PAK4: variants seen among roughly 807,000 people sequenced by gnomAD.
The protein encoded by PAK4 is serine/threonine-protein kinase PAK 4.
Under a neutral mutation model 53.5 loss-of-function variants are expected in PAK4, and 49 were observed. The observed-to-expected ratio is 0.92, with a 90% CI of 0.73 to 1.16. The LOEUF (loss-of-function observed/expected upper bound fraction) is 1.16. Among genes scored for constraint, PAK4 ranks in the 50% most tolerant of loss-of-function variants. The pLI is 0.00. For synonymous variants in PAK4, 376 were observed against 375.6 expected, an observed-to-expected ratio of 1.00 and a Z score of -0.01; for missense variants, 824 against 850.7, an observed-to-expected ratio of 0.97 and a Z score of 0.39.
At chr19:39,153,203 C>T (rs2074121589) in intron 1 of PAK4, among the ~76,000 whole-genome samples, 1 of 152,022 alleles carries the variant, frequency 6.6e-6, no homozygotes, top group Admixed American at 6.6e-5. Context: ...GTGCCAGCCT[C>T]CCCCAACCCC....
intron 1 of PAK4, among the ~76,000 whole-genome samples, chr19:39,128,427 G>A (rs2073632740): frequency 6.6e-6 from 1 of 152,170 alleles, no homozygotes; most frequent in South Asian, 2.1e-4. Flanking sequence ...GCAGCCCTCT[G>A]AGGCTGGCCC....
At chr19:39,169,254 G>A (rs1240243450) in intron 1 of PAK4, among the ~76,000 whole-genome samples, 1 of 151,666 alleles carries the variant, frequency 6.6e-6, no homozygotes, top group Non-Finnish European at 1.5e-5. Context: ...CTCCAGGGGG[G>A]GTGAGAACAG....
In PAK4 at chr19:39,175,673, A is replaced by G. The variant is rs1020096990; in HGVS notation, c.1359+235A>G. Among the ~76,000 whole-genome samples the G allele has an allele frequency of 6.6e-5, 10 of 152,018 alleles. No homozygotes were observed. Among genetic ancestry groups the G allele is most frequent in the Non-Finnish European group, 1.5e-4 (10 of 67,982 alleles). On this transcript the variant is annotated intron_variant, in intron 6 of 8. Coordinates refer to ENST00000358301, the Ensembl canonical transcript of PAK4. This position sits in a 1 kb window ranked among gnomAD's most constrained non-coding sequence, Gnocchi z 4.7. ...GGGGGCTCTGCCATCAGCACAGGAC[A>G]CTGGGCCCAGGGGCAGGGATCTGGG...
chr19:39,156,488 G>C (rs576141135), intron 1 of PAK4, among the ~76,000 whole-genome samples: 1 of 152,300 alleles, frequency 6.6e-6, no homozygotes, highest in African/African-American at 2.4e-5. Context: ...GGGTGTGCCT[G>C]TTGGTGGGAG....
Position 39,156,117 on chromosome 19 carries a change from C to T in PAK4, c.-22-13415C>T, listed in dbSNP as rs560106437. 1.1e-4 allele frequency among the ~76,000 whole-genome samples: 17 copies of T among 152,334 alleles called. No individual in the cohort carries two copies. The South Asian group carries it at 2.3e-3, about 20-fold the overall frequency. ...GTCTCCCCTGACCTCGCCCCTCCCC[C>T]GGTCAGGCTAAGTCTCAGATTCCTC... On this transcript the variant is annotated intron_variant, in intron 1 of 8. Coordinates refer to ENST00000358301, the Ensembl canonical transcript of PAK4.
rs909922635 is a variant in PAK4, at chr19:39,176,416, G to A, written c.1360-174G>A. The A allele has an allele frequency of 2.0e-5, 16 of 780,742 alleles. 1 individual carries two copies. The South Asian group carries it at 2.7e-4, about 13-fold the overall frequency. 48.4% of individuals were successfully genotyped at this position (780,742 alleles called of 1,614,324 possible). On this transcript the variant is annotated intron_variant, in intron 6 of 8. Transcript: ENST00000358301. ...CTTGCCCGAGGGCCCCCACCAGGAG[G>A]TGGTGGAGCTCCCCATTGGTCTGGC...
chr19:39,149,803 C>T (rs1442683735), intron 1 of PAK4, among the ~76,000 whole-genome samples: 1 of 152,112 alleles, frequency 6.6e-6, no homozygotes, highest in Non-Finnish European at 1.5e-5. Context: ...TTGCAGTGAG[C>T]TGAGATTGCA....
chr19:39,157,796 T>C (rs2144751342), intron 1 of PAK4, among the ~76,000 whole-genome samples: 1 of 152,338 alleles, frequency 6.6e-6, no homozygotes, highest in East Asian at 1.9e-4. Flanking sequence ...AAGTTTTCTT[T>C]TTTTGGCCTA....
chr19:39,170,852 C>T (rs900784302), intron 2 of PAK4, among the ~76,000 whole-genome samples: 13 of 152,240 alleles, frequency 8.5e-5, no homozygotes, highest in South Asian at 2.1e-4. Context: ...CTTCCAAAGC[C>T]GTTTCTGGCA....
In PAK4 at chr19:39,171,976, C is replaced by G. The variant is rs115878698; in HGVS notation, c.205-942C>G. ...GCCCAGAGCATGCACTAGGCAGAGCCGGGAGCAGACAGATGCCTGTGTGCT... is the reference window on the plus strand; with the variant it reads ...GCCCAGAGCATGCACTAGGCAGAGCGGGGAGCAGACAGATGCCTGTGTGCT... On this transcript the variant is annotated intron_variant, in intron 2 of 8. Transcript: ENST00000358301. Among the ~76,000 whole-genome samples the G allele has an allele frequency of 4.8e-3, 732 of 152,338 alleles. 6 individuals are homozygous for G. Among genetic ancestry groups the G allele is most frequent in the African/African-American group, 0.016 (673 of 41,586 alleles).
In PAK4 at chr19:39,178,945, C is replaced by T. The variant is rs550037908; in HGVS notation, c.*366C>T. ...AGGTGAACATGTATGAGTGTGTGCA[C>T]GCGTGTGAGTGTGCATGTGTGTGTG... On this transcript the variant is annotated 3_prime_UTR_variant, in exon 9 of 9. Coordinates refer to ENST00000358301, the Ensembl canonical transcript of PAK4. The surrounding 1 kb of genome is among the most constrained non-coding windows in gnomAD (Gnocchi z 4.4). 16 of 192,098 alleles carry T rather than the reference C, an allele frequency of 8.3e-5. No homozygotes were observed. The East Asian group carries it at 1.3e-3, about 16-fold the overall frequency. 11.9% of individuals were successfully genotyped at this position (192,098 alleles called of 1,614,324 possible). A position where few individuals can be genotyped will look rare whatever the true frequency, so the allele number is the denominator to read the frequency against.
At chr19:39,144,735 G>A (rs1016258556) in intron 1 of PAK4, among the ~76,000 whole-genome samples, 2 of 152,216 alleles carry the variant, frequency 1.3e-5, no homozygotes, top group Non-Finnish European at 1.5e-5. Flanking sequence ...TGCTGCTGTG[G>A]TTATGGTGGA....
intron 1 of PAK4, among the ~76,000 whole-genome samples, chr19:39,163,473 T>C (rs1351390616): frequency 6.6e-6 from 1 of 151,904 alleles, no homozygotes; most frequent in African/African-American, 2.4e-5. Flanking sequence ...GGATCTTGCT[T>C]TTCCATTTGG....
chr19:39,181,425 G>A (rs1024574334), downstream of PAK4: 1 of 152,308 alleles, frequency 6.6e-6, no homozygotes, highest in Non-Finnish European at 1.5e-5. Context: ...GCTCTGAGAA[G>A]GCTGGAGGAG....
chr19:39,142,559 C>T (rs1035881741), intron 1 of PAK4, among the ~76,000 whole-genome samples: 5 of 152,146 alleles, frequency 3.3e-5, no homozygotes, highest in Non-Finnish European at 7.4e-5. Flanking sequence ...GTCCCCCCTT[C>T]CCCACCCCCC....
chr19:39,150,025 A>G (rs2074067381), intron 1 of PAK4, among the ~76,000 whole-genome samples: 1 of 152,192 alleles, frequency 6.6e-6, no homozygotes, highest in African/African-American at 2.4e-5. Flanking sequence ...GTTATACAAC[A>G]TTGTGGATAT....
intron 1 of PAK4, among the ~76,000 whole-genome samples, chr19:39,148,466 C>CTTTTTTTGTTTTTTTTT (rs2074039992): frequency 1.8e-5 from 1 of 56,786 alleles, no homozygotes; most frequent in Non-Finnish European, 2.9e-5. Context: ...GTTTCTTCTG[C>CTTTTTTTGTTTTTTTTT]TTTTTTTTTT....
At chr19:39,169,540 G>C in exon 2 of PAK4, 1 of 1,610,680 alleles carries the variant, frequency 6.2e-7, no homozygotes, top group Middle Eastern at 1.7e-4. Flanking sequence ...AGGCCGCACC[G>C]AGTCCCCGGC....
chr19:39,157,206 G>A (rs2074200038), intron 1 of PAK4, among the ~76,000 whole-genome samples: 1 of 142,410 alleles, frequency 7.0e-6, no homozygotes, highest in African/African-American at 2.5e-5. Flanking sequence ...CCTACTGTGT[G>A]TGGTTTTGGG....
Sources: allele counts gnomAD v4.1 joint callset (sites outside exome capture counted in the v4.1 genomes callset), GRCh38; gene constraint gnomAD v4.1.1; non-coding constraint Gnocchi (gnomAD v3.1); transcripts MANE v1.5; gene names NCBI Gene and HGNC (gene_info 2026-07-23, HGNC 2026-07-21).